ZNF575: variants seen among roughly 807,000 people sequenced by gnomAD.
ZNF575 encodes the protein zinc finger protein 575.
ZNF575 carries 17 observed loss-of-function variants against 17.5 expected under a neutral mutation model. That is an observed-to-expected ratio of 0.97 (90% confidence interval 0.66 to 1.45). The LOEUF (loss-of-function observed/expected upper bound fraction) is 1.45. Among genes scored for constraint, ZNF575 ranks in the 40% most tolerant of loss-of-function variants. The probability of loss-of-function intolerance (pLI) is 0.00; values close to 1 mark genes in which losing one functional copy is unlikely to be tolerated. For synonymous variants in ZNF575, 146 were observed against 158.3 expected (o/e 0.92, Z 0.58); for missense variants, 352 against 359.2 (o/e 0.98, Z 0.16).
chr19:43,534,252 C>T (rs1054132040), intron 2 of ZNF575, 85 bp from the exon 3 acceptor site: 3 of 617,662 alleles, frequency 4.9e-6, no homozygotes, highest in Non-Finnish European at 8.3e-6. Flanking sequence ...TGCTCTTAGG[C>T]TCCGCCTCCC....
rs746294210 is a variant in ZNF575 at position 43,534,243 on chromosome 19, GCT to G, written c.-86-91_-86-90del. The G allele has an allele frequency of 7.4e-5, 44 of 590,740 alleles. No individual in the cohort carries two copies. The East Asian group carries it at 1.3e-3, about 17-fold the overall frequency. The allele number at this position is 590,740 out of a possible 1,614,324, so 36.6% of individuals were successfully genotyped here. A position where few individuals can be genotyped will look rare whatever the true frequency, so the allele number is the denominator to read the frequency against. ...GAATTTGCATAGCCCCGCTCACTGT[GCT>G]CTTAGGCTCCGCCTCCCCGCTAAGC... On this transcript the variant is annotated intron_variant, in intron 2 of 3. Transcript: ENST00000314228.
chr19:43,534,718 G>A (rs957059814), intron 3 of ZNF575, among the ~76,000 whole-genome samples: 1 of 152,214 alleles, frequency 6.6e-6, no homozygotes, highest in Admixed American at 6.5e-5. Flanking sequence ...CTTACAGAAG[G>A]GACGGGTCAG....
At chr19:43,532,755 C>A (rs1972359167), upstream of ZNF575, among the ~76,000 whole-genome samples, 1 of 152,176 alleles carries the variant, frequency 6.6e-6, no homozygotes, top group Non-Finnish European at 1.5e-5. Context: ...CTGCATGCCA[C>A]CCCAGGCCTG....
upstream of ZNF575, chr19:43,532,947 C>G (rs991279995): frequency 6.6e-6 from 1 of 151,460 alleles, no homozygotes; most frequent in Non-Finnish European, 1.5e-5. Context: ...CCCCCGCCCT[C>G]TCTCGAAGAA....
At chr19:43,533,153 C>T (rs1214299387), upstream of ZNF575, 1 of 152,220 alleles carries the variant, frequency 6.6e-6, no homozygotes, top group Admixed American at 6.5e-5. Flanking sequence ...CACCGTAGGC[C>T]CCGCCACCGG....
upstream of ZNF575, chr19:43,531,808 C>T (rs977882164): frequency 6.6e-5 from 45 of 679,974 alleles, no homozygotes; most frequent in Admixed American, 2.2e-4. Context: ...TTTAAAGATA[C>T]GGGGTATCAC....
At chr19:43,531,026 C>T (rs1972336334), upstream of ZNF575, among the ~76,000 whole-genome samples, 1 of 151,960 alleles carries the variant, frequency 6.6e-6, no homozygotes, top group Non-Finnish European at 1.5e-5. Flanking sequence ...CACCTGAAAT[C>T]CCAGCACCAT....
rs780763886 is a variant in ZNF575 at position 43,535,682 on chromosome 19, G to T, written c.733G>T (p.Asp245Tyr). ...CCAGGTGGAGCACAAGGGGGAGAGA[G>T]ACTGAGCCCTCCCTTGGCTCACTGT... is the stretch of plus-strand genomic sequence containing the variant. The part of the protein sequence containing the change: ...HHQVEHKGER[D>Y] The change falls in exon 4 of 4, where the codon GAC (aspartate) becomes TAC (tyrosine). Residue 245 changes from aspartate (D) to tyrosine (Y), a missense_variant. By Grantham distance (160) the Asp-to-Tyr change is radical. Coordinates refer to ENST00000314228, the MANE Select transcript of ZNF575 (RefSeq NM_174945.3). 6.2e-7 allele frequency: 1 copy of T among 1,604,960 alleles called. No homozygotes were observed. Among genetic ancestry groups the T allele is most frequent in the South Asian group, 1.1e-5 (1 of 90,360 alleles).
chr19:43,531,780 T>C, upstream of ZNF575: 1 of 666,824 alleles, frequency 1.5e-6, no homozygotes. Context: ...AGTGAATAAT[T>C]ATTTTAAAAA....
chr19:43,532,573 C>T (rs1972357409), upstream of ZNF575, among the ~76,000 whole-genome samples: 1 of 152,190 alleles, frequency 6.6e-6, no homozygotes, highest in Non-Finnish European at 1.5e-5. Context: ...ACCAGTTACC[C>T]AGGCAATCTG....
At chr19:43,531,941 A>ATTTT (rs1972349585), upstream of ZNF575, 4 of 173,090 alleles carry the variant, frequency 2.3e-5, no homozygotes, top group South Asian at 8.2e-5. Context: ...ATTAAGCCAG[A>ATTTT]CTTTTTTTTT....
In ZNF575 at chr19:43,534,327, C is replaced by T. The variant is rs763820497; in HGVS notation, c.-86-10C>T. 2.2e-5 allele frequency: 27 copies of T among 1,220,978 alleles called. No individual in the cohort carries two copies. The highest frequency in any genetic ancestry group is 4.1e-5 in the Admixed American group (2 of 48,242). 75.6% of individuals were successfully genotyped at this position (1,220,978 alleles called of 1,614,324 possible). A position where few individuals can be genotyped will look rare whatever the true frequency, so the allele number is the denominator to read the frequency against. ...ACCTTGCTCCTAAACAGTGTGATCC[C>T]TCATTTTAGGCCCTCCAACCCTATC... On this transcript the variant is annotated splice_polypyrimidine_tract_variant and intron_variant, in intron 2 of 3. Transcript: ENST00000314228.
At chr19:43,533,973 A>G (rs1972378287) in intron 2 of ZNF575, 71 bp downstream of exon 2, 1 of 167,318 alleles carries the variant, frequency 6.0e-6, no homozygotes, top group African/African-American at 2.4e-5. Flanking sequence ...ACGGTGATGA[A>G]AGACCTGCCC....
In ZNF575 at chr19:43,535,885, A is replaced by C; in HGVS notation, c.*198A>C. On this transcript the variant is annotated 3_prime_UTR_variant, in exon 4 of 4. Transcript: ENST00000314228. ...CCCTGCTTTGGGGAGATCTCAAACC[A>C]TGGACGTGGAGCTGTGGTTTGACAG... 1 of 621,216 alleles carries C rather than the reference A, an allele frequency of 1.6e-6. No homozygotes were observed. The highest frequency in any genetic ancestry group is 2.8e-6 in the Non-Finnish European group (1 of 361,754). 38.5% of individuals were successfully genotyped at this position (621,216 alleles called of 1,614,324 possible).
rs756079055 is a variant in ZNF575, at chr19:43,535,321, C to T, written c.372C>T (p.Cys124=). 1.2e-6 allele frequency: 2 copies of T among 1,611,402 alleles called. No homozygotes were observed. Among genetic ancestry groups the T allele is most frequent in the East Asian group, 4.5e-5 (2 of 44,782 alleles). The change falls in exon 4 of 4, where the codon TGC becomes TGT. Residue 124 remains cysteine, a synonymous_variant. Coordinates refer to ENST00000314228, the MANE Select transcript of ZNF575 (RefSeq NM_174945.3). ...SGARPHPCPH[C]PKSFGHRSKL... ...CCCGCCCGCACCCGTGCCCACACTGCCCGAAGTCCTTTGGCCACCGCTCCA... is the reference window on the plus strand; with the variant it reads ...CCCGCCCGCACCCGTGCCCACACTGTCCGAAGTCCTTTGGCCACCGCTCCA...
At chr19:43,532,774 A>G (rs1164655064), upstream of ZNF575, among the ~76,000 whole-genome samples, 1 of 152,108 alleles carries the variant, frequency 6.6e-6, no homozygotes, top group Non-Finnish European at 1.5e-5. Flanking sequence ...TGGCACCAAG[A>G]GCATGGGCCA....
chr19:43,536,068 T>C lies in ZNF575; in HGVS notation c.*381T>C, dbSNP rs946336351. 3 of 236,606 alleles carry C rather than the reference T, an allele frequency of 1.3e-5. No homozygotes were observed. Among genetic ancestry groups the C allele is most frequent in the African/African-American group, 2.2e-5 (1 of 44,724 alleles). The allele number at this position is 236,606 out of a possible 1,614,324, so 14.7% of individuals were successfully genotyped here. A position where few individuals can be genotyped will look rare whatever the true frequency, so the allele number is the denominator to read the frequency against. On this transcript the variant is annotated 3_prime_UTR_variant, in exon 4 of 4. Transcript: ENST00000314228. ...ATGACGGTATCTAAGAAATTGAAAATACATACATGCTTGTCTCAACTCTTC... is the reference window on the plus strand; with the variant it reads ...ATGACGGTATCTAAGAAATTGAAAACACATACATGCTTGTCTCAACTCTTC...
chr19:43,532,979 G>C (rs1312156174), upstream of ZNF575: 1 of 141,854 alleles, frequency 7.0e-6, no homozygotes, highest in Non-Finnish European at 1.5e-5. Flanking sequence ...TTTTGCAAAC[G>C]CCTTGAAGGG....
chr19:43,535,790 C>CA lies in ZNF575; in HGVS notation c.*104dup. The CA allele has an allele frequency of 7.4e-7, 1 of 1,348,934 alleles. No individual in the cohort carries two copies. Among genetic ancestry groups the CA allele is most frequent in the Non-Finnish European group, 9.9e-7 (1 of 1,009,828 alleles). The allele number at this position is 1,348,934 out of a possible 1,614,324, so 83.6% of individuals were successfully genotyped here. Reference sequence around the variant, plus strand: ...GAGCTCGCCTCTTCCAGATAGCTGGCAGAGGGCAGGGCAAGGGATTGGCCA... The same window carrying CA: ...GAGCTCGCCTCTTCCAGATAGCTGGCAAGAGGGCAGGGCAAGGGATTGGCCA... On this transcript the variant is annotated 3_prime_UTR_variant, in exon 4 of 4. Transcript: ENST00000314228.
Sources: gnomAD v4.1 joint callset for allele counts (sites outside exome capture counted in the v4.1 genomes callset) on GRCh38, gnomAD v4.1.1 for gene constraint, MANE v1.5 for transcripts, NCBI Gene and HGNC (gene_info 2026-07-23, HGNC 2026-07-21) for gene names.